Variants in FRAS1 observed in about 807,000 individuals in gnomAD.
The protein encoded by FRAS1 is extracellular matrix organizing protein FRAS1.
In FRAS1, 290 loss-of-function variants were observed where a neutral mutation model predicts 435.2. The ratio of observed to expected loss-of-function variants is 0.67; its 90% CI spans 0.61 to 0.73. The LOEUF (loss-of-function observed/expected upper bound fraction) is 0.73. Ranked by LOEUF, FRAS1 falls within the 30% of genes least tolerant of loss-of-function variation. The pLI, the probability that FRAS1 is intolerant of heterozygous loss-of-function variation, is 0.00. For synonymous variants in FRAS1, 1,800 were observed against 1,851.0 expected (o/e 0.97, Z 0.71); for missense variants, 4,860 against 5,001.5 (o/e 0.97, Z 0.85).
At chr4:78,287,356 A>G (rs1241218870) in intron 14 of FRAS1, among the ~76,000 whole-genome samples, 1 of 152,200 alleles carries the variant, frequency 6.6e-6, no homozygotes, top group East Asian at 1.9e-4. Flanking sequence ...AAATCATATC[A>G]GGGTTAATGA....
chr4:78,236,851 T>C (rs1284538649), intron 2 of FRAS1, among the ~76,000 whole-genome samples: 1 of 152,212 alleles, frequency 6.6e-6, no homozygotes, highest in African/African-American at 2.4e-5. Context: ...GTTATGTTTA[T>C]TTAATTCTCT....
chr4:78,383,061 A>G (rs1173970496), intron 27 of FRAS1, among the ~76,000 whole-genome samples: 7 of 152,194 alleles, frequency 4.6e-5, no homozygotes, highest in African/African-American at 1.2e-4. Flanking sequence ...CAGTAGTCCT[A>G]TATCTTACCA....
intron 49 of FRAS1, among the ~76,000 whole-genome samples, chr4:78,465,220 T>C (rs1011743353): frequency 5.3e-5 from 8 of 152,244 alleles, no homozygotes; most frequent in African/African-American, 1.9e-4. Flanking sequence ...AAATATTAAT[T>C]ACCTATGAGG....
intron 2 of FRAS1, among the ~76,000 whole-genome samples, chr4:78,219,777 A>G (rs765420655): frequency 6.6e-6 from 1 of 152,194 alleles, no homozygotes; most frequent in Non-Finnish European, 1.5e-5. Context: ...CTGCCACTCC[A>G]TAGATAATAT....
At chr4:78,532,636 A>G (rs1055905196) in intron 70 of FRAS1, among the ~76,000 whole-genome samples, 4 of 152,128 alleles carry the variant, frequency 2.6e-5, no homozygotes, top group Admixed American at 1.3e-4. Context: ...CGCTCCTGGT[A>G]ACCACTGTTC....
chr4:78,540,123 G>A (rs372574201), intron 73 of FRAS1, among the ~76,000 whole-genome samples: 2 of 152,140 alleles, frequency 1.3e-5, no homozygotes, highest in East Asian at 1.9e-4. Context: ...CTCCATTTTC[G>A]CTGAAGTTCA....
intron 32 of FRAS1, among the ~76,000 whole-genome samples, chr4:78,413,509 G>C (rs13136716): frequency 0.31 from 47,731 of 152,058 alleles, 8,143 homozygotes; most frequent in Non-Finnish European, 0.38. Flanking sequence ...AAGTTTCCTA[G>C]AGAAGGTTCT....
intron 37 of FRAS1, among the ~76,000 whole-genome samples, chr4:78,430,979 A>G (rs1393441922): frequency 1.3e-5 from 2 of 152,246 alleles, no homozygotes; most frequent in Non-Finnish European, 2.9e-5. Flanking sequence ...TTTAGAAGGT[A>G]CAGAAAAACA....
In FRAS1 at chr4:78,544,136, G is replaced by T. The variant is rs980458439; in HGVS notation, c.*3012G>T. 4.6e-5 allele frequency: 7 copies of T among 152,602 alleles called. No individual in the cohort carries two copies. The highest frequency in any genetic ancestry group is 2.0e-4 in the Admixed American group (3 of 15,286). 9.5% of individuals were successfully genotyped at this position (152,602 alleles called of 1,614,324 possible). ...AGACTGAGTAAACATTTGTGGTGCTGTCAACCTGATTTCTTGACTCTCAAA... is the reference window on the plus strand; with the variant it reads ...AGACTGAGTAAACATTTGTGGTGCTTTCAACCTGATTTCTTGACTCTCAAA... On this transcript the variant is annotated 3_prime_UTR_variant, in exon 74 of 74. Transcript: ENST00000512123.
intron 20 of FRAS1, among the ~76,000 whole-genome samples, chr4:78,344,226 G>A (rs1730511827): frequency 6.6e-6 from 1 of 151,904 alleles, no homozygotes; most frequent in Non-Finnish European, 1.5e-5. Flanking sequence ...CTCTGTGAGT[G>A]ATCTTTTCAT....
At chr4:78,181,762 C>T in intron 2 of FRAS1, 1 of 1,610,306 alleles carries the variant, frequency 6.2e-7, no homozygotes, top group Non-Finnish European at 8.5e-7. Context: ...CGGGCGGCTG[C>T]GTCTCCTCTT....
At position 78,450,150 on chromosome 4, in the gene FRAS1, G is replaced by C; in HGVS notation, c.6275-1G>C. The C allele has an allele frequency of 6.2e-7, 1 of 1,611,744 alleles. No individual in the cohort carries two copies. Among genetic ancestry groups the C allele is most frequent in the Non-Finnish European group, 8.5e-7 (1 of 1,178,390 alleles). On this transcript the variant is annotated splice_acceptor_variant, in intron 44 of 73. Transcript: ENST00000512123. LOFTEE classifies it high-confidence loss of function. Reference sequence around the variant, plus strand: ...CCTACTCTCTTCCGTTCTCTTCCAAGGGTCTGTAGCACGCATCACAGAACA... The same window carrying C: ...CCTACTCTCTTCCGTTCTCTTCCAACGGTCTGTAGCACGCATCACAGAACA...
intron 14 of FRAS1, among the ~76,000 whole-genome samples, chr4:78,293,271 T>TGCC (rs1727985979): frequency 6.6e-6 from 1 of 152,238 alleles, no homozygotes; most frequent in Admixed American, 6.5e-5. Context: ...GGCAGGGACA[T>TGCC]GCCGTATACT....
At chr4:78,454,676 C>T (rs1368975974) in intron 47 of FRAS1, among the ~76,000 whole-genome samples, 4 of 152,354 alleles carry the variant, frequency 2.6e-5, no homozygotes, top group Admixed American at 2.0e-4. Context: ...AACTCATCCA[C>T]ACCGTGCAGA....
At chr4:78,295,951 C>G (rs1728127305) in intron 14 of FRAS1, among the ~76,000 whole-genome samples, 1 of 151,988 alleles carries the variant, frequency 6.6e-6, no homozygotes, top group Middle Eastern at 3.4e-3. Flanking sequence ...CAGGATTTCA[C>G]CATGTTGGCC....
intron 6 of FRAS1, among the ~76,000 whole-genome samples, chr4:78,263,849 G>T (rs1726229036): frequency 6.6e-6 from 1 of 152,164 alleles, no homozygotes; most frequent in African/African-American, 2.4e-5. Flanking sequence ...TCCCAGTTAG[G>T]TAGTAATACA....
At chr4:78,189,134 A>G (rs571767828) in intron 2 of FRAS1, among the ~76,000 whole-genome samples, 23 of 152,226 alleles carry the variant, frequency 1.5e-4, no homozygotes, top group Admixed American at 1.0e-3. Flanking sequence ...TAGTTCTGAC[A>G]TATTTACCTG....
intron 7 of FRAS1, among the ~76,000 whole-genome samples, chr4:78,266,017 G>A (rs979345803): frequency 6.6e-6 from 1 of 152,234 alleles, no homozygotes; most frequent in African/African-American, 2.4e-5. Flanking sequence ...AGGATTGTTA[G>A]ACTGAGTTTT....
At chr4:78,168,829 GGT>G (rs1721440166) in intron 2 of FRAS1, among the ~76,000 whole-genome samples, 1 of 152,084 alleles carries the variant, frequency 6.6e-6, no homozygotes, top group Admixed American at 6.5e-5. Flanking sequence ...AGGCTAGGCA[GGT>G]GCTAAAAGAT....
Sources: gnomAD v4.1 joint callset for allele counts (sites outside exome capture counted in the v4.1 genomes callset) on GRCh38, gnomAD v4.1.1 for gene constraint, MANE v1.5 for transcripts, NCBI Gene and HGNC (gene_info 2026-07-23, HGNC 2026-07-21) for gene names.